DHRS1: variants seen among roughly 807,000 people sequenced by gnomAD.
DHRS1 encodes dehydrogenase/reductase 1.
DHRS1 carries 34 observed loss-of-function variants against 35.2 expected under a neutral mutation model. The ratio of observed to expected loss-of-function variants is 0.97; its 90% CI spans 0.74 to 1.29. The LOEUF is 1.29. DHRS1 is among the 50% of genes most tolerant of loss of function. The pLI, the probability that DHRS1 is intolerant of heterozygous loss-of-function variation, is 0.00. For synonymous variants in DHRS1, 133 were observed against 160.0 expected, an observed-to-expected ratio of 0.83 and a Z score of 1.27; for missense variants, 354 against 403.6, an observed-to-expected ratio of 0.88 and a Z score of 1.05.
At chr14:24,294,980 G>C (rs10146996) in intron 4 of DHRS1, among the ~76,000 whole-genome samples, 129,166 of 152,186 alleles carry the variant, frequency 0.85, 55,040 homozygotes, top group Non-Finnish European at 0.89. Context: ...TTTTGTAGGA[G>C]AGCTTGATAA....
chr14:24,292,572 C>A (rs930545263), intron 5 of DHRS1, 80 bp downstream of exon 5: 3 of 1,609,924 alleles, frequency 1.9e-6, no homozygotes, highest in Non-Finnish European at 2.5e-6. Flanking sequence ...CCATTCTGAC[C>A]ACTGGGGATT....
intron 1 of DHRS1, 48 bp from the exon 2 acceptor site, chr14:24,299,178 G>A: frequency 1.3e-6 from 2 of 1,516,472 alleles, no homozygotes; most frequent in South Asian, 1.2e-5. Context: ...GACTGTGTGT[G>A]TGTTGGGGCG....
At chr14:24,297,315 C>T (rs1018355941) in intron 2 of DHRS1, among the ~76,000 whole-genome samples, 1 of 152,156 alleles carries the variant, frequency 6.6e-6, no homozygotes, top group African/African-American at 2.4e-5. Flanking sequence ...TTGTCTTACC[C>T]TCACTCCACC....
At chr14:24,294,500 A>G (rs1475581299) in intron 4 of DHRS1, 1 of 152,116 alleles carries the variant, frequency 6.6e-6, no homozygotes, top group African/African-American at 2.4e-5. Context: ...GAGGTATGAG[A>G]ATCGCTTGAA....
chr14:24,291,336 C>A, intron 7 of DHRS1, 117 bp from the exon 8 acceptor site: 1 of 1,199,528 alleles, frequency 8.3e-7, no homozygotes, highest in Non-Finnish European at 1.2e-6. Flanking sequence ...CCCTGGAGAG[C>A]TCTTTCTCTT....
At chr14:24,295,289 A>C (rs1174643778) in intron 4 of DHRS1, among the ~76,000 whole-genome samples, 1 of 152,238 alleles carries the variant, frequency 6.6e-6, no homozygotes, top group African/African-American at 2.4e-5. Context: ...GAATAAGATT[A>C]TACTGGTCTT....
chr14:24,299,567 C>T lies in DHRS1; in HGVS notation c.-25+14G>A. 4.2e-6 allele frequency: 1 copy of T among 238,042 alleles called. No homozygotes were observed. Among genetic ancestry groups the T allele is most frequent in the Non-Finnish European group, 8.2e-6 (1 of 121,824 alleles). 14.7% of individuals were successfully genotyped at this position (238,042 alleles called of 1,614,324 possible). On this transcript the variant is annotated intron_variant, in intron 1 of 8. Transcript: ENST00000288111. The stretch of plus-strand genomic sequence containing the variant: ...GATCCTAAGCCCTAAGTGGGACGAG[C>T]GTGCGCCGCTTACCTGCCACCTGCG...
chr14:24,296,477 G>A, intron 4 of DHRS1, 32 bp downstream of exon 4: 1 of 1,611,668 alleles, frequency 6.2e-7, no homozygotes. Flanking sequence ...AAGTGAGTGA[G>A]GGAACATGGG....
At position 24,290,929 on chromosome 14, in the gene DHRS1, A is replaced by G. The variant is rs561260562; in HGVS notation, c.872T>C (p.Leu291Pro). ...GAGGAAGGAGGGCAGGTAGGAGGCC[A>G]GCCAGCCCAGGCCGGACACGTGTGA... ...VLSHVSGLGW[L>P]ASYLPSFLRV... is the part of the protein sequence containing the mutation. Residue 291 changes from leucine to proline, a missense_variant, in exon 9 of 9, where the codon CTG (leucine) becomes CCG (proline). By Grantham distance (98) the Leu-to-Pro change is moderately conservative. Coordinates refer to ENST00000288111, the MANE Select transcript of DHRS1 (RefSeq NM_001136050.3). 1.1e-5 allele frequency: 18 copies of G among 1,613,996 alleles called. No individual in the cohort carries two copies. In the South Asian group the frequency reaches 1.9e-4, roughly 17 times the overall value.
intron 2 of DHRS1, 72 bp downstream of exon 2, chr14:24,298,885 G>C: frequency 6.7e-7 from 1 of 1,488,024 alleles, no homozygotes; most frequent in Non-Finnish European, 9.1e-7. Flanking sequence ...TAAGGGATTA[G>C]GAAAGGAGCT....
Position 24,299,018 on chromosome 14 carries a change from G to A in DHRS1, c.89C>T (p.Ala30Val), listed in dbSNP as rs1169293461. The A allele has an allele frequency of 3.7e-6, 6 of 1,614,080 alleles. No individual in the cohort carries two copies. The East Asian group carries it at 1.1e-4, about 30-fold the overall frequency. ...GRGIALQLCK[A>V]GATVYITGRH... ...GCCAGTGATGTAAACTGTGGCGCCT[G>A]CTTTGCAGAGCTGCAAGGCAATGCC... The change falls in exon 2 of 9, where the codon GCA (alanine) becomes GTA (valine). Residue 30 changes from alanine to valine, a missense_variant. Ala to Val is a moderately conservative substitution (Grantham distance 64). Coordinates refer to ENST00000288111, the MANE Select transcript of DHRS1 (RefSeq NM_001136050.3).
At chr14:24,296,713 G>A (rs775996322) in intron 3 of DHRS1, 25 bp downstream of exon 3, 16 of 1,614,040 alleles carry the variant, frequency 9.9e-6, no homozygotes, top group Non-Finnish European at 1.4e-5. Flanking sequence ...GAAATGTGGA[G>A]TTGGGAACAA....
At chr14:24,295,586 C>T (rs2041235787) in intron 4 of DHRS1, among the ~76,000 whole-genome samples, 4 of 152,202 alleles carry the variant, frequency 2.6e-5, no homozygotes, top group Admixed American at 2.6e-4. Context: ...CCTTGAATCT[C>T]TGCTTCAGGG....
At position 24,299,709 on chromosome 14, in the gene DHRS1, G is replaced by T; in HGVS notation, c.-153C>A. 1 of 469,954 alleles carries T rather than the reference G, an allele frequency of 2.1e-6. No homozygotes were observed. 29.1% of individuals were successfully genotyped at this position (469,954 alleles called of 1,614,324 possible). ...TTGATTCTGTAGTAGGACCCGGGGC[G>T]ATTCTGTGCTGAGGTAGAGGGGCAG... is the stretch of plus-strand genomic sequence containing the variant. On this transcript the variant is annotated 5_prime_UTR_variant, in exon 1 of 9. Coordinates refer to ENST00000288111, the MANE Select transcript of DHRS1 (RefSeq NM_001136050.3).
intron 4 of DHRS1, among the ~76,000 whole-genome samples, chr14:24,295,305 T>A (rs2041231239): frequency 6.6e-6 from 1 of 152,186 alleles, no homozygotes. Flanking sequence ...GTCTTCAGAT[T>A]TTTTCCATAT....
chr14:24,292,938 G>T, intron 4 of DHRS1, 154 bp from the exon 5 acceptor site: 1 of 879,922 alleles, frequency 1.1e-6, no homozygotes, highest in Non-Finnish European at 1.6e-6. Context: ...GGGGCTTGAG[G>T]CCATATTCTG....
Position 24,290,949 on chromosome 14 carries a change from G to T in DHRS1, c.852C>A (p.His284Gln), listed in dbSNP as rs373524926. ...AGGCCAGCCAGCCCAGGCCGGACAC[G>T]TGTGAGAGAACAGAGCTCAAAGACA... The part of the protein sequence containing the change: ...DYLSLSSVLS[H>Q]VSGLGWLASY... The change falls in exon 9 of 9, where the codon CAC (histidine) becomes CAA (glutamine). Residue 284 changes from histidine to glutamine, a missense_variant. Transcript: ENST00000288111. 1 of 1,614,132 alleles carries T rather than the reference G, an allele frequency of 6.2e-7. No individual in the cohort carries two copies. The highest frequency in any genetic ancestry group is 1.1e-5 in the South Asian group (1 of 91,084).
chr14:24,299,629 G>T lies in DHRS1; in HGVS notation c.-73C>A. 3.2e-6 allele frequency: 1 copy of T among 310,598 alleles called. No individual in the cohort carries two copies. Among genetic ancestry groups the T allele is most frequent in the Non-Finnish European group, 6.0e-6 (1 of 167,856 alleles). 19.2% of individuals were successfully genotyped at this position (310,598 alleles called of 1,614,324 possible). A position where few individuals can be genotyped will look rare whatever the true frequency, so the allele number is the denominator to read the frequency against. On this transcript the variant is annotated 5_prime_UTR_variant, in exon 1 of 9. Coordinates refer to ENST00000288111, the MANE Select transcript of DHRS1 (RefSeq NM_001136050.3). ...GTCTGCAGATTGCGGGGCTGCGGTG[G>T]AAGTCTGGGTTCTCGCCCAGATTGA...
At chr14:24,291,683 C>T in intron 6 of DHRS1, 58 bp from the exon 7 acceptor site, 1 of 1,525,850 alleles carries the variant, frequency 6.6e-7, no homozygotes. Context: ...GCCCAGGTCT[C>T]CTCCCCATTT....
Sources: gnomAD v4.1 joint callset for allele counts (sites outside exome capture counted in the v4.1 genomes callset) on GRCh38, gnomAD v4.1.1 for gene constraint, MANE v1.5 for transcripts, NCBI Gene and HGNC (gene_info 2026-07-23, HGNC 2026-07-21) for gene names.